The following CAMKMT variants were observed in gnomAD, a reference collection of about 807,000 sequenced individuals.
CAMKMT encodes calmodulin-lysine N-methyltransferase.
A neutral mutation model predicts 48.0 loss-of-function variants in CAMKMT; 53 were observed. That is an observed-to-expected ratio of 1.10 (90% confidence interval 0.89 to 1.39). CAMKMT has a LOEUF of 1.39. Ranked by LOEUF, CAMKMT falls within the 40% of genes most tolerant of loss-of-function variation. The probability of loss-of-function intolerance (pLI) is 0.00; values close to 1 mark genes in which losing one functional copy is unlikely to be tolerated. For synonymous variants in CAMKMT, 165 were observed against 152.3 expected, an observed-to-expected ratio of 1.08 and a Z score of -0.61; for missense variants, 428 against 402.7, an observed-to-expected ratio of 1.06 and a Z score of -0.54.
intron 2 of CAMKMT, among the ~76,000 whole-genome samples, chr2:44,376,503 G>A (rs573052012): frequency 1.3e-5 from 2 of 151,562 alleles, no homozygotes; most frequent in South Asian, 4.2e-4. Flanking sequence ...CACTTTCTCA[G>A]TTCTTATCGC....
intron 3 of CAMKMT, among the ~76,000 whole-genome samples, chr2:44,611,626 A>C (rs891804752): frequency 1.3e-5 from 2 of 152,172 alleles, no homozygotes; most frequent in East Asian, 3.9e-4. Context: ...TCAGCCCTTT[A>C]AGCATGGTGT....
At chr2:44,627,134 T>A (rs184534454) in intron 3 of CAMKMT, among the ~76,000 whole-genome samples, 2 of 152,332 alleles carry the variant, frequency 1.3e-5, no homozygotes, top group Admixed American at 1.3e-4. Flanking sequence ...ATTGTATAGC[T>A]TTTCTCCTTT....
chr2:44,468,437 A>G (rs1668242750), intron 3 of CAMKMT, among the ~76,000 whole-genome samples: 2 of 152,216 alleles, frequency 1.3e-5, no homozygotes, highest in African/African-American at 2.4e-5. Context: ...GGAAAACAGT[A>G]TGGAGTTTCC....
intron 3 of CAMKMT, among the ~76,000 whole-genome samples, chr2:44,477,940 C>T (rs993464375): frequency 5.3e-5 from 8 of 152,160 alleles, no homozygotes; most frequent in African/African-American, 1.9e-4. Flanking sequence ...TCCTCCATGT[C>T]CATTCCTTTC....
At chr2:44,609,294 G>A (rs959632906) in intron 3 of CAMKMT, among the ~76,000 whole-genome samples, 1 of 152,166 alleles carries the variant, frequency 6.6e-6, no homozygotes, top group Non-Finnish European at 1.5e-5. Flanking sequence ...GTACAGTGTG[G>A]TTACCATAGT....
intron 10 of CAMKMT, among the ~76,000 whole-genome samples, chr2:44,771,626 A>T (rs1479910624): frequency 6.6e-6 from 1 of 152,122 alleles, no homozygotes; most frequent in Non-Finnish European, 1.5e-5. Context: ...GTTGCCACGG[A>T]CTCCAAGCAG....
rs536562545 is a variant in CAMKMT at position 44,381,824 on chromosome 2, C to G, written c.312-8417C>G. On this transcript the variant is annotated intron_variant, in intron 2 of 10. Coordinates refer to ENST00000378494, the MANE Select transcript of CAMKMT (RefSeq NM_024766.5). ...GTACCAAAATTCTCATGTTATCTCT[C>G]CATGTTAGGATTATGAGCAGTTTTT... is the stretch of plus-strand genomic sequence containing the variant. 2.0e-5 allele frequency among the ~76,000 whole-genome samples: 3 copies of G among 152,156 alleles called. No individual in the cohort carries two copies. The South Asian group carries it at 6.2e-4, about 32-fold the overall frequency.
At chr2:44,493,265 TTA>T (rs1297455851) in intron 3 of CAMKMT, among the ~76,000 whole-genome samples, 1 of 152,174 alleles carries the variant, frequency 6.6e-6, no homozygotes, top group East Asian at 1.9e-4. Context: ...CCTAAAAAAG[TTA>T]TGACTTTAGA....
chr2:44,438,947 G>C (rs1210517706), intron 3 of CAMKMT, among the ~76,000 whole-genome samples: 3 of 152,072 alleles, frequency 2.0e-5, no homozygotes, highest in African/African-American at 4.8e-5. Flanking sequence ...ATCTTGGTTG[G>C]TGCCCTTTTT....
intron 6 of CAMKMT, among the ~76,000 whole-genome samples, chr2:44,711,289 A>G (rs1202302542): frequency 6.6e-6 from 1 of 152,188 alleles, no homozygotes; most frequent in Non-Finnish European, 1.5e-5. Context: ...TAATTCAACC[A>G]ATATTAATGG....
At chr2:44,739,152 T>C (rs1205943471) in intron 7 of CAMKMT, among the ~76,000 whole-genome samples, 1 of 152,226 alleles carries the variant, frequency 6.6e-6, no homozygotes, top group Non-Finnish European at 1.5e-5. Context: ...GCTCATGATC[T>C]GATACATGTT....
chr2:44,626,139 T>C (rs1119013), intron 3 of CAMKMT, among the ~76,000 whole-genome samples: 90,223 of 151,956 alleles, frequency 0.59, 27,640 homozygotes, highest in Admixed American at 0.68. Flanking sequence ...TAATATTGAG[T>C]CTTTTGATCC....
chr2:44,418,063 G>T (rs1340968829), intron 3 of CAMKMT, among the ~76,000 whole-genome samples: 2 of 151,950 alleles, frequency 1.3e-5, no homozygotes, highest in Non-Finnish European at 1.5e-5. Context: ...ATGGTGGCAC[G>T]TGCCTATAAT....
intron 3 of CAMKMT, among the ~76,000 whole-genome samples, chr2:44,437,017 T>G (rs1203333021): frequency 1.3e-5 from 2 of 152,176 alleles, no homozygotes; most frequent in Non-Finnish European, 2.9e-5. Flanking sequence ...TAACATACCA[T>G]TTTAGTTTCA....
intron 3 of CAMKMT, among the ~76,000 whole-genome samples, chr2:44,474,946 A>C (rs1668610010): frequency 6.6e-6 from 1 of 152,216 alleles, no homozygotes; most frequent in South Asian, 2.1e-4. Context: ...ATCGTGAAAG[A>C]CTGGCCAGAC....
chr2:44,411,971 T>A (rs1683230523), intron 3 of CAMKMT, among the ~76,000 whole-genome samples: 1 of 140,280 alleles, frequency 7.1e-6, no homozygotes, highest in South Asian at 2.3e-4. Context: ...ACATGAACAT[T>A]CTCTTCAATT....
chr2:44,674,381 T>A (rs1457573434), intron 3 of CAMKMT, among the ~76,000 whole-genome samples: 1 of 152,244 alleles, frequency 6.6e-6, no homozygotes, highest in Non-Finnish European at 1.5e-5. Context: ...GCATCTTGAC[T>A]GCAGGGACCA....
At chr2:44,758,035 GGGA>G (rs1680456076) in intron 9 of CAMKMT, among the ~76,000 whole-genome samples, 1 of 152,220 alleles carries the variant, frequency 6.6e-6, no homozygotes, top group Admixed American at 6.5e-5. Flanking sequence ...TACTGGTTCT[GGGA>G]GGATTGCCTA....
chr2:44,479,955 C>T (rs1051818876), intron 3 of CAMKMT, among the ~76,000 whole-genome samples: 1 of 151,938 alleles, frequency 6.6e-6, no homozygotes, highest in African/African-American at 2.4e-5. Flanking sequence ...CCTCTCCCAC[C>T]CTAGCCTTCC....
Sources: gnomAD v4.1 joint callset for allele counts (sites outside exome capture counted in the v4.1 genomes callset) on GRCh38, gnomAD v4.1.1 for gene constraint, MANE v1.5 for transcripts, NCBI Gene and HGNC (gene_info 2026-07-23, HGNC 2026-07-21) for gene names.